PHGDH: variants seen among roughly 807,000 people sequenced by gnomAD.
PHGDH encodes phosphoglycerate dehydrogenase.
In PHGDH, 50 loss-of-function variants were observed where a neutral mutation model predicts 52.6. The observed-to-expected ratio is 0.95, with a 90% CI of 0.76 to 1.20. The LOEUF is 1.20. Among genes scored for constraint, PHGDH ranks in the 50% most tolerant of loss-of-function variants. The pLI is 0.00. For missense variants in PHGDH, 630 were observed against 684.6 expected, an observed-to-expected ratio of 0.92 and a Z score of 0.89; for synonymous variants, 271 against 280.5, an observed-to-expected ratio of 0.97 and a Z score of 0.34.
At chr1:119,743,765 G>C (rs1571021857) in intron 11 of PHGDH, 121 bp from the exon 12 acceptor site, 1 of 808,244 alleles carries the variant, frequency 1.2e-6, no homozygotes, top group Non-Finnish European at 2.2e-6. Context: ...TTGATTCTGA[G>C]ACCATCATCC....
intron 8 of PHGDH, 117 bp from the exon 9 acceptor site, chr1:119,740,269 A>C (rs1341667032): frequency 3.9e-6 from 4 of 1,024,878 alleles, no homozygotes; most frequent in Non-Finnish European, 6.0e-6. Context: ...CCAGGCACCA[A>C]GGCAGGAGTG....
Position 119,721,340 on chromosome 1 carries a change from G to T in PHGDH, c.290+19G>T, listed in dbSNP as rs746145056. ...TTATGAAGTAAGTCATGGAGGCTGC[G>T]GGCGGTTTGGGGGTAGGGGGGTGAG... On this transcript the variant is annotated intron_variant, in intron 2 of 11. Coordinates refer to ENST00000641023, the MANE Select transcript of PHGDH (RefSeq NM_006623.4). The T allele has an allele frequency of 1.9e-6, 3 of 1,610,602 alleles. No individual in the cohort carries two copies. The Admixed American group carries it at 5.0e-5, about 27-fold the overall frequency.
chr1:119,740,481 T>G lies in PHGDH; in HGVS notation c.1041T>G (p.Ala347=), dbSNP rs1374696914. The G allele has an allele frequency of 1.9e-6, 3 of 1,597,820 alleles. No homozygotes were observed. The Admixed American group carries it at 5.2e-5, about 28-fold the overall frequency. ...TGGGGACACTGATGCGAGCCTGGGC[T>G]GGGTCCCCCAAAGGGACCATCCAGG... ...EALGTLMRAW[A]GSPKGTIQVI... is the part of the protein sequence containing the mutation. The change falls in exon 9 of 12, where the codon GCT becomes GCG. Residue 347 remains alanine (A), a synonymous_variant. Transcript: ENST00000641023.
intron 1 of PHGDH, 182 bp from the exon 2 acceptor site, chr1:119,720,988 A>G: frequency 1.5e-6 from 1 of 672,270 alleles, no homozygotes; most frequent in East Asian, 2.7e-5. Context: ...AAAAATCAGC[A>G]TGAGTCCTAG....
chr1:119,728,526 C>T (rs1651550076), intron 5 of PHGDH, among the ~76,000 whole-genome samples: 1 of 152,170 alleles, frequency 6.6e-6, no homozygotes, highest in Non-Finnish European at 1.5e-5. Flanking sequence ...CTGTCTTCCC[C>T]CAGGTCTCTG....
chr1:119,712,514 A>G, intron 1 of PHGDH: 1 of 334,128 alleles, frequency 3.0e-6, no homozygotes, highest in South Asian at 2.5e-5. Context: ...TTGTTCTGGC[A>G]GCCTCGCGCC....
chr1:119,720,334 T>G (rs751715281), intron 1 of PHGDH: 9 of 152,232 alleles, frequency 5.9e-5, no homozygotes, highest in Non-Finnish European at 1.2e-4. Context: ...TGCTCTCATT[T>G]TTCCCCTGCC....
intron 5 of PHGDH, chr1:119,727,414 CA>C: frequency 2.3e-6 from 1 of 431,788 alleles, no homozygotes; most frequent in Admixed American, 3.5e-5. Flanking sequence ...AGAATTTAAA[CA>C]AGAGACACGG....
intron 1 of PHGDH, among the ~76,000 whole-genome samples, chr1:119,716,654 C>A (rs1045996848): frequency 6.6e-6 from 1 of 152,148 alleles, no homozygotes; most frequent in Non-Finnish European, 1.5e-5. Flanking sequence ...GATGATGACT[C>A]TGGGTGGTCC....
intron 10 of PHGDH, chr1:119,742,441 T>C (rs1251603148): frequency 3.4e-5 from 15 of 442,686 alleles, no homozygotes; most frequent in Non-Finnish European, 5.9e-5. Flanking sequence ...TCCCCTCCAC[T>C]CCTGCATGCC....
At chr1:119,717,233 A>AAAAAAAAAAG (rs1650975655) in intron 1 of PHGDH, among the ~76,000 whole-genome samples, 1 of 43,206 alleles carries the variant, frequency 2.3e-5, no homozygotes, top group East Asian at 5.5e-4. Flanking sequence ...ACTCTGTCTC[A>AAAAAAAAAAG]AAAAAAAAAA....
At chr1:119,730,582 G>A (rs1255506696) in intron 5 of PHGDH, among the ~76,000 whole-genome samples, 1 of 152,142 alleles carries the variant, frequency 6.6e-6, no homozygotes, top group Non-Finnish European at 1.5e-5. Flanking sequence ...AAAAAAACAT[G>A]TTTATCTCAG....
In PHGDH at chr1:119,721,292, C is replaced by T. The variant is rs761309245; in HGVS notation, c.261C>T (p.Ala87=). 109 of 1,613,862 alleles carry T rather than the reference C, an allele frequency of 6.8e-5. No homozygotes were observed. The highest frequency in any genetic ancestry group is 8.0e-5 in the Non-Finnish European group (94 of 1,180,000). Residue 87 remains alanine, a synonymous_variant, in exon 2 of 12, where the codon GCC becomes GCT. Transcript: ENST00000641023. ...GTGVDNVDLE[A]ATRKGILVMN... ...GTGTGGACAATGTGGATCTGGAGGCCGCAACAAGGAAGGGCATCTTGGTTA... is the reference window on the plus strand; with the variant it reads ...GTGTGGACAATGTGGATCTGGAGGCTGCAACAAGGAAGGGCATCTTGGTTA...
At chr1:119,724,676 T>TTTTAGTAAG in intron 3 of PHGDH, 1 of 391,138 alleles carries the variant, frequency 2.6e-6, no homozygotes, top group South Asian at 1.9e-5. Flanking sequence ...TTTTTTTTTT[T>TTTTAGTAAG]GAGTAAGGGA....
In PHGDH at chr1:119,735,763, G is replaced by A. The variant is rs1420978042; in HGVS notation, c.792+320G>A. On this transcript the variant is annotated intron_variant, in intron 7 of 11. Coordinates refer to ENST00000641023, the MANE Select transcript of PHGDH (RefSeq NM_006623.4). The stretch of plus-strand genomic sequence containing the variant: ...AAATCAGTTCTGAAGTTGAGGGTCT[G>A]GAGCAGGAAGAGAGGGGGCTTTAGT... 2.0e-5 allele frequency among the ~76,000 whole-genome samples: 3 copies of A among 152,226 alleles called. No individual in the cohort carries two copies. In the East Asian group the frequency reaches 5.8e-4, roughly 29 times the overall value.
intron 10 of PHGDH, 153 bp from the exon 11 acceptor site, chr1:119,742,654 G>A: frequency 1.5e-6 from 1 of 674,388 alleles, no homozygotes; most frequent in Non-Finnish European, 2.7e-6. Flanking sequence ...CACACAGCTT[G>A]GCCCATTTGC....
At chr1:119,721,954 CT>C (rs756843501) in intron 2 of PHGDH, among the ~76,000 whole-genome samples, 1 of 152,230 alleles carries the variant, frequency 6.6e-6, no homozygotes, top group Non-Finnish European at 1.5e-5. Flanking sequence ...TGTACCCGTT[CT>C]GTCACTTAGA....
intron 6 of PHGDH, 134 bp downstream of exon 6, chr1:119,734,900 G>T (rs1003714381): frequency 2.9e-6 from 3 of 1,017,586 alleles, no homozygotes; most frequent in Non-Finnish European, 3.1e-6. Flanking sequence ...TGCAGAGGCT[G>T]GTGTTTTGTT....
At chr1:119,726,672 G>T in intron 3 of PHGDH, 179 bp from the exon 4 acceptor site, 4 of 665,726 alleles carry the variant, frequency 6.0e-6, no homozygotes, top group Non-Finnish European at 1.1e-5. Flanking sequence ...TCTTGCCAAG[G>T]GTTTCTCTCT....
Sources: allele counts gnomAD v4.1 joint callset (sites outside exome capture counted in the v4.1 genomes callset), GRCh38; gene constraint gnomAD v4.1.1; transcripts MANE v1.5; gene names NCBI Gene and HGNC (gene_info 2026-07-23, HGNC 2026-07-21).